Variants in MAN1C1 observed in about 807,000 individuals in gnomAD.
MAN1C1 encodes the protein mannosyl-oligosaccharide 1,2-alpha-mannosidase IC.
In MAN1C1, 49 loss-of-function variants were observed where a neutral mutation model predicts 71.5. The ratio of observed to expected loss-of-function variants is 0.69; its 90% CI spans 0.54 to 0.87. The LOEUF (loss-of-function observed/expected upper bound fraction) is 0.87. MAN1C1 is among the 40% of genes least tolerant of loss of function. MAN1C1 has a pLI of 0.00. For synonymous variants in MAN1C1, 352 were observed against 343.7 expected (o/e 1.02, Z -0.27); for missense variants, 743 against 835.0 (o/e 0.89, Z 1.36).
At chr1:25,751,921 C>G (rs1172849254) in intron 4 of MAN1C1, among the ~76,000 whole-genome samples, 2 of 152,168 alleles carry the variant, frequency 1.3e-5, no homozygotes, top group Non-Finnish European at 2.9e-5. Flanking sequence ...CCTCTCTCTT[C>G]CCTTAGTCCT....
chr1:25,636,473 C>T, intron 1 of MAN1C1, among the ~76,000 whole-genome samples: 1 of 152,202 alleles, frequency 6.6e-6, no homozygotes, highest in East Asian at 1.9e-4. Flanking sequence ...ATCTTCCCTA[C>T]TTGCACGTCT....
chr1:25,703,855 A>G (rs2046479995), intron 2 of MAN1C1, among the ~76,000 whole-genome samples: 1 of 152,174 alleles, frequency 6.6e-6, no homozygotes, highest in Non-Finnish European at 1.5e-5. Flanking sequence ...GATGGATGTC[A>G]GCCCTGCTTT....
At chr1:25,621,159 T>C (rs979762186) in intron 1 of MAN1C1, among the ~76,000 whole-genome samples, 2 of 152,230 alleles carry the variant, frequency 1.3e-5, no homozygotes, top group African/African-American at 4.8e-5. Flanking sequence ...ACTGGCAGTC[T>C]GGTCAGGGAC....
intron 2 of MAN1C1, among the ~76,000 whole-genome samples, chr1:25,687,141 A>G (rs1425217821): frequency 2.6e-5 from 4 of 152,176 alleles, no homozygotes; most frequent in Non-Finnish European, 5.9e-5. Context: ...ACAAAAGGGT[A>G]TAGAGTCATG....
rs115500025 is a variant in MAN1C1 at position 25,638,366 on chromosome 1, G to A, written c.540+20029G>A. On this transcript the variant is annotated intron_variant, in intron 1 of 11. Transcript: ENST00000374332. ...TGTCATGTGTTTTACTGCTATGTAT[G>A]TTATAAACCTCACAATACATTGGTA... 3.3e-3 allele frequency among the ~76,000 whole-genome samples: 508 copies of A among 152,256 alleles called. 1 individual carries two copies. Among genetic ancestry groups the A allele is most frequent in the African/African-American group, 0.012 (491 of 41,576 alleles).
intron 2 of MAN1C1, among the ~76,000 whole-genome samples, chr1:25,687,980 G>C (rs1018151384): frequency 1.6e-4 from 25 of 151,668 alleles, no homozygotes; most frequent in African/African-American, 5.6e-4. Flanking sequence ...GTTATATCGT[G>C]TTTCCCGAAG....
intron 5 of MAN1C1, among the ~76,000 whole-genome samples, chr1:25,755,532 A>T (rs568224662): frequency 1.8e-4 from 28 of 152,218 alleles, no homozygotes; most frequent in Non-Finnish European, 3.2e-4. Flanking sequence ...TCACAATTGC[A>T]AACGTCTGGT....
chr1:25,740,419 T>G (rs536892680), intron 2 of MAN1C1, among the ~76,000 whole-genome samples: 4 of 151,526 alleles, frequency 2.6e-5, no homozygotes, highest in Non-Finnish European at 5.9e-5. Context: ...GACTTGAATT[T>G]TTGTTGTTGT....
At chr1:25,696,454 C>A (rs572151049) in intron 2 of MAN1C1, among the ~76,000 whole-genome samples, 2 of 152,100 alleles carry the variant, frequency 1.3e-5, no homozygotes, top group Admixed American at 6.5e-5. Flanking sequence ...TGGGGTATAA[C>A]TTATAACATG....
intron 1 of MAN1C1, among the ~76,000 whole-genome samples, chr1:25,649,520 T>C (rs1273326067): frequency 1.3e-5 from 2 of 152,220 alleles, no homozygotes; most frequent in African/African-American, 4.8e-5. Flanking sequence ...CTGTGGGCAA[T>C]GAGGTCCTCA....
intron 1 of MAN1C1, among the ~76,000 whole-genome samples, chr1:25,637,886 G>A (rs527660143): frequency 4.3e-4 from 54 of 125,956 alleles, no homozygotes; most frequent in African/African-American, 1.7e-3. Flanking sequence ...GTGTTTGTAT[G>A]GTAGAACTTT....
chr1:25,679,006 C>CGA lies in MAN1C1; in HGVS notation c.541-7419_541-7418dup, dbSNP rs571148290. On this transcript the variant is annotated intron_variant, in intron 1 of 11. Transcript: ENST00000374332. ...GAGACAAGAAGAGAGAGAGAGGAGA[C>CGA]GAGAGAGAGAGAGAGAAACAAGACG... 8.9e-4 allele frequency among the ~76,000 whole-genome samples: 132 copies of CGA among 147,598 alleles called. 2 individuals carry two copies. In the South Asian group the frequency reaches 0.022, roughly 25 times the overall value.
Position 25,634,232 on chromosome 1 carries a change from C to T in MAN1C1, c.540+15895C>T, listed in dbSNP as rs560683466. Among the ~76,000 whole-genome samples the T allele has an allele frequency of 5.9e-5, 9 of 152,268 alleles. No homozygotes were observed. The highest frequency in any genetic ancestry group is 2.2e-4 in the African/African-American group (9 of 41,552). The stretch of plus-strand genomic sequence containing the variant: ...TGCTTCTTATTTCCTTTTCTTGCTT[C>T]ATTGCGCTGACTGGGACTTCCAGTT... On this transcript the variant is annotated intron_variant, in intron 1 of 11. Transcript: ENST00000374332. This position sits in a 1 kb window ranked among gnomAD's most constrained non-coding sequence, Gnocchi z 4.6.
chr1:25,735,284 G>A lies in MAN1C1; in HGVS notation c.638-11384G>A, dbSNP rs972366422. ...AACACAAAAATTAGCCGGGCATGCT[G>A]ACGCATGCCTGTAATCCCAGCTACT... On this transcript the variant is annotated intron_variant, in intron 2 of 11. Coordinates refer to ENST00000374332, the MANE Select transcript of MAN1C1 (RefSeq NM_020379.4). This position sits in a 1 kb window ranked among gnomAD's most constrained non-coding sequence, Gnocchi z 4.6. Among the ~76,000 whole-genome samples, 6 of 152,296 alleles carry A rather than the reference G, an allele frequency of 3.9e-5. No homozygotes were observed. Among genetic ancestry groups the A allele is most frequent in the South Asian group, 2.1e-4 (1 of 4,812 alleles).
intron 2 of MAN1C1, among the ~76,000 whole-genome samples, chr1:25,717,035 T>G (rs2124264440): frequency 6.6e-6 from 1 of 152,242 alleles, no homozygotes; most frequent in East Asian, 1.9e-4. Context: ...TTCCGTCATA[T>G]GGATATGCTA....
At chr1:25,699,453 G>A (rs1397413527) in intron 2 of MAN1C1, among the ~76,000 whole-genome samples, 2 of 152,096 alleles carry the variant, frequency 1.3e-5, no homozygotes, top group African/African-American at 4.8e-5. Flanking sequence ...ACTGGGTGGG[G>A]GCCATGGTAA....
At chr1:25,652,416 C>T (rs951422151) in intron 1 of MAN1C1, among the ~76,000 whole-genome samples, 10 of 152,246 alleles carry the variant, frequency 6.6e-5, no homozygotes, top group African/African-American at 2.4e-4. Flanking sequence ...TGAGACTCTG[C>T]AAATGTGTTC....
rs560865514 is a variant in MAN1C1 at position 25,776,562 on chromosome 1, C to T, written c.1258-1543C>T. Among the ~76,000 whole-genome samples, 19 of 152,190 alleles carry T rather than the reference C, an allele frequency of 1.2e-4. No homozygotes were observed. In the South Asian group the frequency reaches 3.1e-3, roughly 25 times the overall value. On this transcript the variant is annotated intron_variant, in intron 8 of 11. Coordinates refer to ENST00000374332, the MANE Select transcript of MAN1C1 (RefSeq NM_020379.4). The surrounding 1 kb of genome is among the most constrained non-coding windows in gnomAD (Gnocchi z 4.3). ...AGTAAGACTGTGTCTCAAAACAAAACGAATTGCACCTCTCATATATATTTG... is the reference window on the plus strand; with the variant it reads ...AGTAAGACTGTGTCTCAAAACAAAATGAATTGCACCTCTCATATATATTTG...
chr1:25,654,855 C>T (rs986062763), intron 1 of MAN1C1, among the ~76,000 whole-genome samples: 10 of 152,054 alleles, frequency 6.6e-5, no homozygotes, highest in Admixed American at 3.9e-4. Flanking sequence ...CCATGTTGGC[C>T]GGGATGGTCT....
Sources: allele counts gnomAD v4.1 joint callset (sites outside exome capture counted in the v4.1 genomes callset), GRCh38; gene constraint gnomAD v4.1.1; non-coding constraint Gnocchi (gnomAD v3.1); transcripts MANE v1.5; gene names NCBI Gene and HGNC (gene_info 2026-07-23, HGNC 2026-07-21).